Variants in PPP3CA observed in about 807,000 individuals in gnomAD.
PPP3CA encodes the protein protein phosphatase 3 catalytic subunit alpha, also known as CAM-PRP catalytic subunit.
In PPP3CA, 14 loss-of-function variants were observed where a neutral mutation model predicts 66.5. The ratio of observed to expected loss-of-function variants is 0.21; its 90% CI spans 0.14 to 0.33. PPP3CA has a LOEUF of 0.33. Among genes scored for constraint, PPP3CA ranks in the 10% least tolerant of loss-of-function variants. PPP3CA has a pLI of 1.00. For missense variants in PPP3CA, 317 were observed against 639.5 expected (o/e 0.50, Z 5.44); for synonymous variants, 232 against 226.2 (o/e 1.03, Z -0.23).
intron 1 of PPP3CA, among the ~76,000 whole-genome samples, chr4:101,328,390 G>A (rs1383589987): frequency 6.6e-6 from 1 of 152,172 alleles, no homozygotes; most frequent in African/African-American, 2.4e-5. Flanking sequence ...TACAAGAATA[G>A]TTAAAAGTAG....
At chr4:101,101,017 T>C (rs532655094) in intron 3 of PPP3CA, among the ~76,000 whole-genome samples, 2 of 152,178 alleles carry the variant, frequency 1.3e-5, no homozygotes, top group Non-Finnish European at 2.9e-5. Flanking sequence ...AAATGTTTAT[T>C]ATTTTGTTGT....
In PPP3CA at chr4:101,316,898, A is replaced by G. The variant is rs57813249; in HGVS notation, c.58+29841T>C. Reference sequence around the variant, plus strand: ...AGTCAGTCTTATAGTAAAGCATTTGAGAAAAACATGAACATGACTTCAAAA... The same window carrying G: ...AGTCAGTCTTATAGTAAAGCATTTGGGAAAAACATGAACATGACTTCAAAA... On this transcript the variant is annotated intron_variant, in intron 1 of 13. Transcript: ENST00000394854. 4.9e-3 allele frequency among the ~76,000 whole-genome samples: 752 copies of G among 152,318 alleles called. 5 individuals are homozygous for G. Among genetic ancestry groups the G allele is most frequent in the African/African-American group, 0.016 (674 of 41,572 alleles).
intron 2 of PPP3CA, among the ~76,000 whole-genome samples, chr4:101,136,482 A>G (rs1465642484): frequency 2.6e-5 from 4 of 152,062 alleles, no homozygotes; most frequent in Admixed American, 2.6e-4. Context: ...CAGAGGTTGC[A>G]GTGAACCAAG....
At chr4:101,131,033 G>C (rs1722412593) in intron 2 of PPP3CA, among the ~76,000 whole-genome samples, 2 of 151,936 alleles carry the variant, frequency 1.3e-5, no homozygotes, top group Non-Finnish European at 2.9e-5. Context: ...TTTGAAACTA[G>C]CCTGGCCAGG....
Position 101,029,262 on chromosome 4 carries a change from A to G in PPP3CA, c.1340-67T>C. On this transcript the variant is annotated intron_variant, in intron 12 of 13. Transcript: ENST00000394854. ...AGCAGAGGATTTTTTAACTCTAAGA[A>G]CAAATCAGTGACCATCAAAGGAGCT... The G allele has an allele frequency of 3.5e-6, 5 of 1,432,946 alleles. No individual in the cohort carries two copies. In the South Asian group the frequency reaches 5.7e-5, roughly 16 times the overall value. The allele number at this position is 1,432,946 out of a possible 1,614,324, so 88.8% of individuals were successfully genotyped here.
chr4:101,174,206 G>T lies in PPP3CA; in HGVS notation c.259+21710C>A, dbSNP rs547011849. ...TTTCAAAATCTTTTAATATACTATGGCTCTATTAAATATTTATGTTTTTAT... is the reference window on the plus strand; with the variant it reads ...TTTCAAAATCTTTTAATATACTATGTCTCTATTAAATATTTATGTTTTTAT... On this transcript the variant is annotated intron_variant, in intron 2 of 13. Coordinates refer to ENST00000394854, the MANE Select transcript of PPP3CA (RefSeq NM_000944.5). Among the ~76,000 whole-genome samples the T allele has an allele frequency of 2.2e-4, 33 of 151,912 alleles. 1 individual carries two copies. The South Asian group carries it at 6.0e-3, about 28-fold the overall frequency.
intron 2 of PPP3CA, among the ~76,000 whole-genome samples, chr4:101,190,399 T>C (rs1053446496): frequency 6.6e-6 from 1 of 152,160 alleles, no homozygotes; most frequent in Non-Finnish European, 1.5e-5. Flanking sequence ...AAAAGGGATG[T>C]TAAAAGGGAT....
At chr4:101,328,879 G>A (rs1414069002) in intron 1 of PPP3CA, among the ~76,000 whole-genome samples, 1 of 152,014 alleles carries the variant, frequency 6.6e-6, no homozygotes, top group Admixed American at 6.6e-5. Flanking sequence ...ATAAATGTGT[G>A]TACTCTGACT....
At chr4:101,329,386 G>A (rs1351084915) in intron 1 of PPP3CA, among the ~76,000 whole-genome samples, 1 of 152,144 alleles carries the variant, frequency 6.6e-6, no homozygotes, top group African/African-American at 2.4e-5. Context: ...GCAGAAGTTG[G>A]TTCATGACAT....
intron 1 of PPP3CA, among the ~76,000 whole-genome samples, chr4:101,222,620 A>G (rs1242179022): frequency 6.6e-6 from 1 of 151,682 alleles, no homozygotes; most frequent in Non-Finnish European, 1.5e-5. Flanking sequence ...GGTCATAACT[A>G]TCTATTGGCA....
At chr4:101,307,772 A>G (rs1728593639) in intron 1 of PPP3CA, among the ~76,000 whole-genome samples, 1 of 152,204 alleles carries the variant, frequency 6.6e-6, no homozygotes, top group African/African-American at 2.4e-5. Flanking sequence ...CGCGAATACC[A>G]TACTGAATGC....
At chr4:101,220,024 T>C (rs1224823946) in intron 1 of PPP3CA, among the ~76,000 whole-genome samples, 10 of 151,866 alleles carry the variant, frequency 6.6e-5, no homozygotes. Flanking sequence ...TTGCACGCCA[T>C]GTCATCATTA....
intron 2 of PPP3CA, among the ~76,000 whole-genome samples, chr4:101,126,404 T>C (rs1159003699): frequency 6.6e-6 from 1 of 152,236 alleles, no homozygotes; most frequent in East Asian, 1.9e-4. Context: ...CTAAGTTAAG[T>C]ACAATTTCCA....
intron 1 of PPP3CA, among the ~76,000 whole-genome samples, chr4:101,285,801 T>C (rs1371991244): frequency 6.6e-6 from 1 of 152,116 alleles, no homozygotes; most frequent in African/African-American, 2.4e-5. Context: ...TCAATACTAG[T>C]GTGAATCACC....
chr4:101,199,668 C>A (rs1724908823), intron 1 of PPP3CA, among the ~76,000 whole-genome samples: 1 of 152,184 alleles, frequency 6.6e-6, no homozygotes, highest in African/African-American at 2.4e-5. Context: ...GAAAACATCA[C>A]AGAAGGCTTT....
chr4:101,124,200 G>T (rs1722124396), intron 2 of PPP3CA, among the ~76,000 whole-genome samples: 1 of 152,108 alleles, frequency 6.6e-6, no homozygotes, highest in African/African-American at 2.4e-5. Flanking sequence ...TACATCTGTA[G>T]ATGTAAAGTG....
intron 2 of PPP3CA, among the ~76,000 whole-genome samples, chr4:101,174,583 T>C (rs1723994267): frequency 6.6e-6 from 1 of 152,188 alleles, no homozygotes; most frequent in Admixed American, 6.6e-5. Flanking sequence ...AAAGAATATG[T>C]GTGCAAACCT....
intron 1 of PPP3CA, among the ~76,000 whole-genome samples, chr4:101,230,649 C>T (rs564026931): frequency 1.3e-5 from 2 of 151,796 alleles, no homozygotes; most frequent in East Asian, 2.0e-4. Context: ...CTTTACTCTG[C>T]CATATAAATT....
intron 2 of PPP3CA, among the ~76,000 whole-genome samples, chr4:101,169,133 T>C (rs1340577624): frequency 6.6e-6 from 1 of 152,196 alleles, no homozygotes; most frequent in African/African-American, 2.4e-5. Context: ...TAAGCAATTA[T>C]ACCTACATAC....
Sources: gnomAD v4.1 joint callset for allele counts (sites outside exome capture counted in the v4.1 genomes callset) on GRCh38, gnomAD v4.1.1 for gene constraint, MANE v1.5 for transcripts, NCBI Gene and HGNC (gene_info 2026-07-23, HGNC 2026-07-21) for gene names.